NUBPL: variants seen among roughly 807,000 people sequenced by gnomAD.
NUBPL encodes NUBP iron-sulfur cluster assembly factor, mitochondrial.
In NUBPL, 31 loss-of-function variants were observed where a neutral mutation model predicts 45.7. That is an observed-to-expected ratio of 0.68 (90% confidence interval 0.51 to 0.92). The LOEUF (loss-of-function observed/expected upper bound fraction) is 0.92, where lower values mean the gene tolerates loss of function less well. Among genes scored for constraint, NUBPL ranks in the 40% least tolerant of loss-of-function variants. The pLI, the probability that NUBPL is intolerant of heterozygous loss-of-function variation, is 0.00. For missense variants in NUBPL, 401 were observed against 398.7 expected (o/e 1.01, Z -0.05); for synonymous variants, 144 against 140.9 (o/e 1.02, Z -0.15).
chr14:31,858,619 G>A (rs2040662367), intron 10 of NUBPL, among the ~76,000 whole-genome samples: 2 of 151,948 alleles, frequency 1.3e-5, no homozygotes, highest in African/African-American at 2.4e-5. Flanking sequence ...TTTTTACCAG[G>A]TGAAAGAGCC....
At chr14:31,806,560 G>A (rs945679762) in intron 7 of NUBPL, among the ~76,000 whole-genome samples, 6 of 152,004 alleles carry the variant, frequency 3.9e-5, no homozygotes, top group Admixed American at 3.9e-4. Flanking sequence ...TTCAAGACTG[G>A]AAAAATACAA....
At chr14:31,644,886 A>C (rs2035801271) in intron 4 of NUBPL, among the ~76,000 whole-genome samples, 1 of 151,886 alleles carries the variant, frequency 6.6e-6, no homozygotes, top group Non-Finnish European at 1.5e-5. Context: ...TGACCCCTTT[A>C]TTATTATTGA....
intron 6 of NUBPL, among the ~76,000 whole-genome samples, chr14:31,742,619 TC>T (rs1449909742): frequency 2.0e-5 from 3 of 152,222 alleles, no homozygotes; most frequent in Non-Finnish European, 2.9e-5. Flanking sequence ...TATTTATTTT[TC>T]TGAGATGGAG....
At chr14:31,581,202 C>CT (rs751566032) in intron 3 of NUBPL, among the ~76,000 whole-genome samples, 7,968 of 103,276 alleles carry the variant, frequency 0.077, 344 homozygotes, top group African/African-American at 0.12. Context: ...AGAGATGGTT[C>CT]TTTTTTTTTT....
In NUBPL at chr14:31,793,961, A is replaced by G. The variant is rs1265909440; in HGVS notation, c.607+6088A>G. Reference sequence around the variant, plus strand: ...TGATCTCATTGTTCAATTCCCACCTATGAGTGAGAATATGCGGTGTTTGGT... The same window carrying G: ...TGATCTCATTGTTCAATTCCCACCTGTGAGTGAGAATATGCGGTGTTTGGT... On this transcript the variant is annotated intron_variant, in intron 7 of 10. Transcript: ENST00000281081. Among the ~76,000 whole-genome samples, 21 of 93,204 alleles carry G rather than the reference A, an allele frequency of 2.3e-4. No individual in the cohort carries two copies. In the East Asian group the frequency reaches 7.1e-3, roughly 32 times the overall value. The allele number at this position is 93,204 out of a possible 152,430, so 61.1% of individuals were successfully genotyped here.
Position 31,581,477 on chromosome 14 carries a change from A to G in NUBPL, c.291+16429A>G, listed in dbSNP as rs1463802454. Among the ~76,000 whole-genome samples, 5 of 152,302 alleles carry G rather than the reference A, an allele frequency of 3.3e-5. No individual in the cohort carries two copies. The East Asian group carries it at 7.7e-4, about 23-fold the overall frequency. On this transcript the variant is annotated intron_variant, in intron 3 of 10. Coordinates refer to ENST00000281081, the MANE Select transcript of NUBPL (RefSeq NM_025152.3). Reference sequence around the variant, plus strand: ...TTCCAACTCGTATAAGTGGAGTCATATAATATTTGTCCTTTTATGTCTGGC... The same window carrying G: ...TTCCAACTCGTATAAGTGGAGTCATGTAATATTTGTCCTTTTATGTCTGGC...
At chr14:31,688,306 G>A (rs949060017) in intron 6 of NUBPL, among the ~76,000 whole-genome samples, 87 of 152,222 alleles carry the variant, frequency 5.7e-4, no homozygotes, top group African/African-American at 1.9e-3. Flanking sequence ...GGCCAGGCGC[G>A]GTGGTTCACG....
chr14:31,820,594 C>T (rs1201522804), intron 7 of NUBPL, among the ~76,000 whole-genome samples: 2 of 152,062 alleles, frequency 1.3e-5, no homozygotes, highest in African/African-American at 2.4e-5. Context: ...GAGGCAGAGA[C>T]AGGTGGATCA....
intron 6 of NUBPL, among the ~76,000 whole-genome samples, chr14:31,682,088 T>C (rs2139835642): frequency 6.6e-6 from 1 of 152,280 alleles, no homozygotes; most frequent in African/African-American, 2.4e-5. Flanking sequence ...TTTATTGATT[T>C]GTCTAGTTAC....
chr14:31,667,592 G>A (rs1280960323), intron 4 of NUBPL, among the ~76,000 whole-genome samples: 1 of 152,034 alleles, frequency 6.6e-6, no homozygotes. Context: ...TTGTGCACTT[G>A]TTGGAGAGGA....
intron 6 of NUBPL, among the ~76,000 whole-genome samples, chr14:31,697,280 A>G (rs572854992): frequency 3.6e-4 from 55 of 152,348 alleles, no homozygotes; most frequent in Non-Finnish European, 7.5e-4. Context: ...TCAAAATTAG[A>G]GCAAAAGGAA....
Position 31,688,449 on chromosome 14 carries a change from C to T in NUBPL, c.513+14875C>T, listed in dbSNP as rs544422294. Among the ~76,000 whole-genome samples the T allele has an allele frequency of 6.6e-5, 10 of 151,842 alleles. No individual in the cohort carries two copies. In the East Asian group the frequency reaches 1.2e-3, roughly 18 times the overall value. ...AAAGTTAGCCAGGCGTGGTGGTGGG[C>T]GCCTGTAATCCCAGCTACTCGGGTG... On this transcript the variant is annotated intron_variant, in intron 6 of 10. Transcript: ENST00000281081.
intron 4 of NUBPL, among the ~76,000 whole-genome samples, chr14:31,642,417 G>A (rs559201986): frequency 5.3e-4 from 81 of 152,110 alleles, no homozygotes; most frequent in African/African-American, 1.8e-3. Context: ...CTAGTTTTCT[G>A]AGCGCTGTTT....
intron 3 of NUBPL, among the ~76,000 whole-genome samples, chr14:31,568,826 A>G (rs1381054602): frequency 6.6e-6 from 1 of 152,206 alleles, no homozygotes; most frequent in Non-Finnish European, 1.5e-5. Flanking sequence ...CCAGGAAGCA[A>G]TTCATTTTAC....
intron 6 of NUBPL, among the ~76,000 whole-genome samples, chr14:31,678,768 C>T (rs2036760369): frequency 6.6e-6 from 1 of 152,128 alleles, no homozygotes; most frequent in Non-Finnish European, 1.5e-5. Context: ...AGTGTTGGTG[C>T]ATGCACTCCA....
chr14:31,705,013 G>A lies in NUBPL; in HGVS notation c.513+31439G>A, dbSNP rs191341024. 4.6e-3 allele frequency among the ~76,000 whole-genome samples: 703 copies of A among 151,960 alleles called. 6 individuals are homozygous for A. Among genetic ancestry groups the A allele is most frequent in the African/African-American group, 0.016 (675 of 41,404 alleles). On this transcript the variant is annotated intron_variant, in intron 6 of 10. Transcript: ENST00000281081. ...TTCAGGAGTGAAACTGCAGACCTTC[G>A]CGGTGAGTGTTACAGCTCTTAAAGG...
intron 7 of NUBPL, among the ~76,000 whole-genome samples, chr14:31,819,146 C>G (rs555989819): frequency 1.3e-5 from 2 of 152,128 alleles, no homozygotes; most frequent in Admixed American, 1.3e-4. Flanking sequence ...TTGGGGGTGA[C>G]AGGAGAAAGA....
chr14:31,573,385 A>C (rs1407148361), intron 3 of NUBPL, among the ~76,000 whole-genome samples: 3 of 152,018 alleles, frequency 2.0e-5, no homozygotes, highest in African/African-American at 7.2e-5. Context: ...TTTACTCCAG[A>C]TGCATCACCA....
Position 31,585,283 on chromosome 14 carries a change from C to T in NUBPL, c.292-14006C>T, listed in dbSNP as rs77293975. Among the ~76,000 whole-genome samples the T allele has an allele frequency of 2.8e-3, 419 of 152,264 alleles. 2 individuals are homozygous for T. Among genetic ancestry groups the T allele is most frequent in the African/African-American group, 9.3e-3 (387 of 41,562 alleles). On this transcript the variant is annotated intron_variant, in intron 3 of 10. Coordinates refer to ENST00000281081, the MANE Select transcript of NUBPL (RefSeq NM_025152.3). ...TCTTATAATGCTTTAAGAAAGTTTA[C>T]GAGTTTGTGTTGGGCCACATTGAAA...
Sources: gnomAD v4.1 joint callset for allele counts (sites outside exome capture counted in the v4.1 genomes callset) on GRCh38, gnomAD v4.1.1 for gene constraint, MANE v1.5 for transcripts, NCBI Gene and HGNC (gene_info 2026-07-23, HGNC 2026-07-21) for gene names.